The following LCORL variants were observed in gnomAD, a reference collection of about 807,000 sequenced individuals.
LCORL encodes ligand dependent nuclear receptor corepressor like.
In LCORL, 41 loss-of-function variants were observed where a neutral mutation model predicts 141.8. That is an observed-to-expected ratio of 0.29 (90% CI 0.23 to 0.38). LCORL has a LOEUF of 0.38. LCORL is among the 10% of genes least tolerant of loss of function. The probability of loss-of-function intolerance (pLI) is 1.00; values close to 1 mark genes in which losing one functional copy is unlikely to be tolerated. For missense variants in LCORL, 1,759 were observed against 2,035.0 expected (o/e 0.86, Z 2.61); for synonymous variants, 618 against 694.1 (o/e 0.89, Z 1.72).
chr4:17,870,883 T>C (rs1726265066), intron 7 of LCORL, among the ~76,000 whole-genome samples: 1 of 152,148 alleles, frequency 6.6e-6, no homozygotes, highest in African/African-American at 2.4e-5. Flanking sequence ...AAGTATAAAT[T>C]TAAAAACTCA....
intron 1 of LCORL, among the ~76,000 whole-genome samples, chr4:17,993,802 G>T (rs1169260607): frequency 5.3e-5 from 8 of 152,162 alleles, no homozygotes; most frequent in Non-Finnish European, 1.0e-4. Context: ...TAGAAAGCTT[G>T]CAAAAATACA....
At chr4:17,917,148 T>G (rs1236223737) in intron 4 of LCORL, among the ~76,000 whole-genome samples, 1 of 152,080 alleles carries the variant, frequency 6.6e-6, no homozygotes, top group Non-Finnish European at 1.5e-5. Context: ...CTAACTTTTG[T>G]ATTTTTAGTA....
intron 4 of LCORL, chr4:17,912,561 T>C (rs1232104620): frequency 2.2e-5 from 10 of 450,918 alleles, no homozygotes; most frequent in South Asian, 7.0e-5. Context: ...TCTGCCGGAA[T>C]TGGAGCTGCT....
intron 1 of LCORL, among the ~76,000 whole-genome samples, chr4:17,988,526 T>A (rs117999589): frequency 1.3e-5 from 2 of 152,212 alleles, no homozygotes; most frequent in African/African-American, 4.8e-5. Context: ...CATCTGCTCA[T>A]CTACTCCTAA....
chr4:18,012,663 A>C (rs930537373), intron 1 of LCORL, among the ~76,000 whole-genome samples: 1 of 151,830 alleles, frequency 6.6e-6, no homozygotes, highest in African/African-American at 2.4e-5. Context: ...CTTGATTAGG[A>C]AACTTTTTTG....
chr4:17,925,642 C>T (rs1311899701), intron 4 of LCORL, among the ~76,000 whole-genome samples: 1 of 151,988 alleles, frequency 6.6e-6, no homozygotes, highest in Non-Finnish European at 1.5e-5. Context: ...GAGGCCGAGG[C>T]AGGCAGATCA....
At chr4:17,969,915 C>A (rs1715609827) in intron 2 of LCORL, among the ~76,000 whole-genome samples, 1 of 152,074 alleles carries the variant, frequency 6.6e-6, no homozygotes, top group Non-Finnish European at 1.5e-5. Flanking sequence ...AGTCTCCACC[C>A]TTAAAGTCGT....
At chr4:17,987,801 T>A (rs1719257516) in intron 1 of LCORL, among the ~76,000 whole-genome samples, 1 of 152,258 alleles carries the variant, frequency 6.6e-6, no homozygotes, top group Non-Finnish European at 1.5e-5. Flanking sequence ...GAAATGTCTA[T>A]TCAAATTTTT....
intron 4 of LCORL, among the ~76,000 whole-genome samples, chr4:17,949,056 T>C (rs903846722): frequency 6.6e-6 from 1 of 152,090 alleles, no homozygotes; most frequent in African/African-American, 2.4e-5. Flanking sequence ...CTATTTTTAG[T>C]ACCCTAATTC....
rs372118579 is a variant in LCORL, at chr4:17,944,629, A to C, written c.430+17274T>G. On this transcript the variant is annotated intron_variant, in intron 4 of 7. Coordinates refer to ENST00000635767, the Ensembl canonical transcript of LCORL. ...GCTCCAAGCTCATCTTTATTTTCCT[A>C]GCCCCAGCCATGCAAACAACCACTT... Among the ~76,000 whole-genome samples the C allele has an allele frequency of 1.2e-4, 18 of 152,144 alleles. No homozygotes were observed. The East Asian group carries it at 1.9e-3, about 16-fold the overall frequency.
exon 7 of LCORL, chr4:17,876,474 C>A (rs187641919): frequency 8.1e-7 from 1 of 1,230,826 alleles, no homozygotes; most frequent in Non-Finnish European, 1.0e-6. Flanking sequence ...ATCTTCCAAA[C>A]GCTTCACAAC....
intron 4 of LCORL, among the ~76,000 whole-genome samples, chr4:17,919,375 C>T (rs1733948421): frequency 6.6e-6 from 1 of 152,082 alleles, no homozygotes; most frequent in Non-Finnish European, 1.5e-5. Flanking sequence ...GGAGGAAACA[C>T]TTTCAACTCT....
chr4:17,845,741 G>C, exon 8 of LCORL: 6 of 1,607,014 alleles, frequency 3.7e-6, no homozygotes, highest in Non-Finnish European at 5.1e-6. Flanking sequence ...TCGCTTTTGA[G>C]ATTTTGGTTA....
chr4:17,890,163 T>C (rs1410115277), intron 5 of LCORL, among the ~76,000 whole-genome samples: 3 of 152,144 alleles, frequency 2.0e-5, no homozygotes, highest in African/African-American at 7.2e-5. Flanking sequence ...TGTGTTCATG[T>C]ACAATAATTC....
exon 8 of LCORL, chr4:17,843,087 T>TA: frequency 2.4e-6 from 1 of 423,920 alleles, no homozygotes; most frequent in Admixed American, 3.7e-5. Context: ...TTATAGTATA[T>TA]AAAATCATTA....
intron 5 of LCORL, among the ~76,000 whole-genome samples, chr4:17,904,758 A>G (rs1560317827): frequency 6.6e-6 from 1 of 152,090 alleles, no homozygotes; most frequent in East Asian, 1.9e-4. Flanking sequence ...ATCCTGGCCA[A>G]TAGCACCCTG....
At chr4:17,876,731 C>G in exon 7 of LCORL, 1 of 1,230,756 alleles carries the variant, frequency 8.1e-7, no homozygotes, top group Non-Finnish European at 1.0e-6. Context: ...TATTACCTAA[C>G]TTTGGATTTT....
At chr4:17,917,026 G>A (rs1196698612) in intron 4 of LCORL, among the ~76,000 whole-genome samples, 1 of 152,022 alleles carries the variant, frequency 6.6e-6, no homozygotes, top group Non-Finnish European at 1.5e-5. Flanking sequence ...ACCCAGGCTG[G>A]GGTGCAATGA....
intron 4 of LCORL, chr4:17,912,546 C>A (rs1300713158): frequency 4.3e-6 from 2 of 466,350 alleles, no homozygotes. Flanking sequence ...GTCATCACCA[C>A]ACAGTCTGCC....
Sources: gnomAD v4.1 joint callset for allele counts (sites outside exome capture counted in the v4.1 genomes callset) on GRCh38, gnomAD v4.1.1 for gene constraint, MANE v1.5 for transcripts, NCBI Gene and HGNC (gene_info 2026-07-23, HGNC 2026-07-21) for gene names.